The following ABR variants were observed in gnomAD, a reference collection of about 807,000 sequenced individuals.
The protein encoded by ABR is active breakpoint cluster region-related protein.
ABR carries 35 observed loss-of-function variants against 107.2 expected under a neutral mutation model. The ratio of observed to expected loss-of-function variants is 0.33; its 90% CI spans 0.25 to 0.43. The LOEUF (loss-of-function observed/expected upper bound fraction) is 0.43. Ranked by LOEUF, ABR falls within the 20% of genes least tolerant of loss-of-function variation. The probability of loss-of-function intolerance (pLI) is 1.00; values close to 1 mark genes in which losing one functional copy is unlikely to be tolerated. For missense variants in ABR, 815 were observed against 1,115.2 expected, an observed-to-expected ratio of 0.73 and a Z score of 3.83; for synonymous variants, 498 against 462.0, an observed-to-expected ratio of 1.08 and a Z score of -1.00.
At chr17:1,025,119 C>CAAAAAAAAAAAAAAAA (rs71272843) in intron 16 of ABR, among the ~76,000 whole-genome samples, 2 of 37,704 alleles carry the variant, frequency 5.3e-5, no homozygotes, top group African/African-American at 1.7e-4. Context: ...GACTCCGTCT[C>CAAAAAAAAAAAAAAAA]AAAAAAAAAA....
At chr17:1,020,331 C>T (rs575459838) in intron 16 of ABR, among the ~76,000 whole-genome samples, 2 of 152,246 alleles carry the variant, frequency 1.3e-5, no homozygotes, top group Non-Finnish European at 2.9e-5. Context: ...GATCCACCCG[C>T]CTCGGCCTCC....
upstream of ABR, chr17:1,187,428 C>T (rs748669971): frequency 1.3e-5 from 2 of 152,310 alleles, no homozygotes; most frequent in Non-Finnish European, 2.9e-5. Flanking sequence ...CCAAGCGGCC[C>T]GCAAGTGCCT....
chr17:1,147,768 A>G (rs1401029830), intron 1 of ABR, among the ~76,000 whole-genome samples: 1 of 152,134 alleles, frequency 6.6e-6, no homozygotes, highest in Non-Finnish European at 1.5e-5. Context: ...GAAGCTCCAC[A>G]CACACTTCCC....
chr17:1,144,132 C>A (rs768759720), intron 1 of ABR, among the ~76,000 whole-genome samples: 1 of 152,174 alleles, frequency 6.6e-6, no homozygotes, highest in African/African-American at 2.4e-5. Context: ...AAAATCCCCC[C>A]ACCTTGGCAG....
intron 2 of ABR, chr17:1,108,907 A>G (rs2038456403): frequency 1.9e-6 from 3 of 1,543,634 alleles, no homozygotes; most frequent in Non-Finnish European, 1.7e-6. Context: ...GGCCCCCCCC[A>G]GCGCCCAGGG....
intron 2 of ABR, among the ~76,000 whole-genome samples, chr17:1,121,275 T>C (rs2039332897): frequency 1.3e-5 from 2 of 152,230 alleles, no homozygotes; most frequent in African/African-American, 2.4e-5. Flanking sequence ...AGACCCGGCT[T>C]CACCCGGGGC....
At chr17:1,140,908 A>G (rs1328058334) in intron 1 of ABR, among the ~76,000 whole-genome samples, 1 of 150,812 alleles carries the variant, frequency 6.6e-6, no homozygotes, top group African/African-American at 2.4e-5. Context: ...TGGGAGGCAG[A>G]GGTTGCAGTG....
At chr17:1,031,848 GCCTC>G (rs1269423958) in intron 16 of ABR, 315 of 916,640 alleles carry the variant, frequency 3.4e-4, no homozygotes, top group South Asian at 5.6e-4. Flanking sequence ...CCCCGCGCTC[GCCTC>G]CCTCCCTCCC....
At position 1,125,064 on chromosome 17, in the gene ABR, A is replaced by G. The variant is rs1037872082; in HGVS notation, c.246+119T>C. Reference sequence around the variant, plus strand: ...AGATGACGAGGCACCAAGAACGGCCAGGTCCAAACGTCTCCAGTCCCAATC... The same window carrying G: ...AGATGACGAGGCACCAAGAACGGCCGGGTCCAAACGTCTCCAGTCCCAATC... On this transcript the variant is annotated intron_variant, in intron 2 of 22. Transcript: ENST00000302538. 1.6e-5 allele frequency: 17 copies of G among 1,037,954 alleles called. No individual in the cohort carries two copies. The Admixed American group carries it at 3.7e-4, about 23-fold the overall frequency. The allele number at this position is 1,037,954 out of a possible 1,614,324, so 64.3% of individuals were successfully genotyped here. A position where few individuals can be genotyped will look rare whatever the true frequency, so the allele number is the denominator to read the frequency against.
intron 1 of ABR, among the ~76,000 whole-genome samples, chr17:1,218,284 G>C (rs2043052378): frequency 6.6e-6 from 1 of 152,230 alleles, no homozygotes; most frequent in African/African-American, 2.4e-5. Flanking sequence ...AGTGGCTACA[G>C]CCTGGATCCA....
chr17:1,086,638 C>T (rs1414076756), intron 4 of ABR, among the ~76,000 whole-genome samples: 2 of 152,060 alleles, frequency 1.3e-5, no homozygotes, highest in Non-Finnish European at 2.9e-5. Context: ...CTAACTGGGA[C>T]TACAGGCACG....
chr17:1,086,016 C>T (rs921514501), intron 4 of ABR, among the ~76,000 whole-genome samples: 56 of 152,112 alleles, frequency 3.7e-4, no homozygotes, highest in South Asian at 2.1e-4. Context: ...CGTGGTGGCA[C>T]GCATCTGTAG....
chr17:1,121,470 G>A (rs1457615147), intron 2 of ABR, among the ~76,000 whole-genome samples: 1 of 152,242 alleles, frequency 6.6e-6, no homozygotes, highest in Non-Finnish European at 1.5e-5. Flanking sequence ...CAGGCCTAAT[G>A]CTGCAGGCCT....
At chr17:1,170,019 G>A (rs2041651675) in intron 1 of ABR, among the ~76,000 whole-genome samples, 1 of 149,254 alleles carries the variant, frequency 6.7e-6, no homozygotes, top group Non-Finnish European at 1.5e-5. Flanking sequence ...GGGGGGGGGT[G>A]TGTTTGTGTA....
At chr17:1,153,858 T>A (rs2040931032) in intron 1 of ABR, 1 of 207,796 alleles carries the variant, frequency 4.8e-6, no homozygotes, top group Non-Finnish European at 9.9e-6. Context: ...GTCACACGCA[T>A]CACATGGTGA....
intron 1 of ABR, among the ~76,000 whole-genome samples, chr17:1,206,813 G>A (rs1490426595): frequency 6.6e-6 from 1 of 152,062 alleles, no homozygotes; most frequent in African/African-American, 2.4e-5. Flanking sequence ...GGCTGGGCGC[G>A]GTGGCTCATG....
intron 1 of ABR, chr17:1,228,314 C>G (rs1378137035): frequency 6.6e-6 from 1 of 152,580 alleles, no homozygotes. Flanking sequence ...GAAGAGGAGA[C>G]TAAGTTCAGA....
intron 1 of ABR, among the ~76,000 whole-genome samples, chr17:1,155,510 C>T (rs191544554): frequency 9.2e-5 from 14 of 152,236 alleles, no homozygotes; most frequent in Non-Finnish European, 1.5e-4. Context: ...TTCTTACATA[C>T]GACACCAGAA....
intron 1 of ABR, among the ~76,000 whole-genome samples, chr17:1,162,692 T>C (rs1297258440): frequency 6.6e-6 from 1 of 150,960 alleles, no homozygotes; most frequent in African/African-American, 2.4e-5. Flanking sequence ...TTTGAAAGGC[T>C]AGGCCAAGCA....
Sources: gnomAD v4.1 joint callset for allele counts (sites outside exome capture counted in the v4.1 genomes callset) on GRCh38, gnomAD v4.1.1 for gene constraint, MANE v1.5 for transcripts, NCBI Gene and HGNC (gene_info 2026-07-23, HGNC 2026-07-21) for gene names.